Variants in ZMIZ2 observed in about 807,000 individuals in gnomAD.
The protein encoded by ZMIZ2 is zinc finger MIZ domain-containing protein 2.
Under a neutral mutation model 93.9 loss-of-function variants are expected in ZMIZ2, and 26 were observed. The observed-to-expected ratio is 0.28, with a 90% CI of 0.20 to 0.38. The LOEUF (loss-of-function observed/expected upper bound fraction) is 0.38. Among genes scored for constraint, ZMIZ2 ranks in the 10% least tolerant of loss-of-function variants. The pLI is 1.00. For missense variants in ZMIZ2, 1,023 were observed against 1,235.0 expected (o/e 0.83, Z 2.57); for synonymous variants, 485 against 516.4 (o/e 0.94, Z 0.82).
At chr7:44,758,402 T>C (rs1309184235) in intron 6 of ZMIZ2, among the ~76,000 whole-genome samples, 1 of 150,774 alleles carries the variant, frequency 6.6e-6, no homozygotes, top group East Asian at 2.0e-4. Flanking sequence ...ACCCAGAAAG[T>C]TGAGGGTGCA....
At chr7:44,759,563 AG>A in intron 7 of ZMIZ2, 103 bp downstream of exon 7, 1 of 909,824 alleles carries the variant, frequency 1.1e-6, no homozygotes, top group Non-Finnish European at 1.4e-6. Context: ...GGGTGGCTAA[AG>A]GGGCCAGCAG....
rs1042016349 is a variant in ZMIZ2 at position 44,765,457 on chromosome 7, G to A, written c.2120G>A (p.Ser707Asn). Residue 707 changes from serine to asparagine, a missense_variant, in exon 16 of 19, where the codon AGC becomes AAC. Physicochemically the swap from Ser to Asn is conservative, Grantham distance 46 (BLOSUM62 1). Around this residue, in one of 3 missense-constraint regions of ZMIZ2, gnomAD observed 319 missense variants for 358.8 expected, o/e 0.89. Transcript: ENST00000309315. The surrounding 1 kb of genome is among the most constrained non-coding windows in gnomAD (Gnocchi z 4.1). ...GCACTGAAGCGCTGCCGCACCGTGA[G>A]CCCCGCCCACGTGCTCATGCCCAGC... ...GPALKRCRTVSPAHVLMPSVM... is the reference protein window; with the variant it reads ...GPALKRCRTVNPAHVLMPSVM... The A allele has an allele frequency of 2.5e-5, 40 of 1,606,106 alleles. No individual in the cohort carries two copies. The highest frequency in any genetic ancestry group is 3.2e-5 in the Non-Finnish European group (38 of 1,179,910).
rs535741503 is a variant in ZMIZ2 at position 44,763,470 on chromosome 7, C to T, written c.1860+57C>T. The T allele has an allele frequency of 3.9e-5, 63 of 1,599,904 alleles. No homozygotes were observed. The South Asian group carries it at 6.0e-4, about 15-fold the overall frequency. Reference sequence around the variant, plus strand: ...TTGCTGCTGCTAAAATATCTTGAGTCGATACATCAGTGTCATTCTCTGGAC... The same window carrying T: ...TTGCTGCTGCTAAAATATCTTGAGTTGATACATCAGTGTCATTCTCTGGAC... On this transcript the variant is annotated intron_variant, in intron 13 of 18. Transcript: ENST00000309315. The surrounding 1 kb of genome is among the most constrained non-coding windows in gnomAD (Gnocchi z 5.6).
At chr7:44,749,501 G>A (rs1237254789) in intron 1 of ZMIZ2, among the ~76,000 whole-genome samples, 1 of 152,214 alleles carries the variant, frequency 6.6e-6, no homozygotes, top group Non-Finnish European at 1.5e-5. Context: ...TTCCGCTCCT[G>A]GGCTGAACGA....
intron 1 of ZMIZ2, among the ~76,000 whole-genome samples, chr7:44,751,715 GGA>G (rs746372357): frequency 1.1e-3 from 162 of 152,346 alleles, no homozygotes; most frequent in Admixed American, 2.9e-3. Context: ...CAGCACTTTG[GGA>G]GGCCGAGGTG....
At position 44,760,573 on chromosome 7, in the gene ZMIZ2, C is replaced by T; in HGVS notation, c.1220C>T (p.Ser407Phe). 1 of 1,614,072 alleles carries T rather than the reference C, an allele frequency of 6.2e-7. No homozygotes were observed. Among genetic ancestry groups the T allele is most frequent in the Non-Finnish European group, 8.5e-7 (1 of 1,180,008 alleles). The change falls in exon 9 of 19, where the codon TCC becomes TTC. Residue 407 changes from serine (S) to phenylalanine (F), a missense_variant. Physicochemically the swap from Ser to Phe is radical, Grantham distance 155. Around this residue, in one of 3 missense-constraint regions of ZMIZ2, gnomAD observed 656 missense variants for 777.1 expected, o/e 0.84. Transcript: ENST00000309315. The part of the protein sequence containing the change: ...FLPDLKPNLN[S>F]LHSSPSGSGP... ...CCTGATCTCAAGCCCAACCTCAACT[C>T]CTTGCACTCATCGCCCTCTGGTAAG...
At position 44,766,255 on chromosome 7, in the gene ZMIZ2, A is replaced by AC; in HGVS notation, c.2340dup (p.Ile781HisfsTer6). The AC allele has an allele frequency of 6.9e-7, 1 of 1,458,746 alleles. No individual in the cohort carries two copies. The highest frequency in any genetic ancestry group is 9.2e-7 in the Non-Finnish European group (1 of 1,087,806). The allele number at this position is 1,458,746 out of a possible 1,614,324, so 90.4% of individuals were successfully genotyped here. A position where few individuals can be genotyped will look rare whatever the true frequency, so the allele number is the denominator to read the frequency against. On this transcript the variant is annotated frameshift_variant, in exon 17 of 19. Coordinates refer to ENST00000309315, the MANE Select transcript of ZMIZ2 (RefSeq NM_031449.4). LOFTEE classifies it high-confidence loss of function. This position sits in a 1 kb window ranked among gnomAD's most constrained non-coding sequence, Gnocchi z 4.4. ...CCCTTGCTGAGTTCACCCCGGGACC[A>AC]CCCCCCATCTCCTACCAGTCTGACA...
At position 44,761,878 on chromosome 7, in the gene ZMIZ2, C is replaced by A; in HGVS notation, c.1569C>A (p.Ile523=). The part of the protein sequence containing the change: ...KHVCQPGRNT[I]QITVTACCCS... ...TGTGCCAGCCAGGCCGCAACACCATCCAGATCACCGTCACCGCCTGCTGCT... is the reference window on the plus strand; with the variant it reads ...TGTGCCAGCCAGGCCGCAACACCATACAGATCACCGTCACCGCCTGCTGCT... The change falls in exon 11 of 19, where the codon ATC becomes ATA. Residue 523 remains isoleucine (I), a synonymous_variant. Transcript: ENST00000309315. This position sits in a 1 kb window ranked among gnomAD's most constrained non-coding sequence, Gnocchi z 5.8. The A allele has an allele frequency of 6.2e-7, 1 of 1,613,822 alleles. No individual in the cohort carries two copies. The highest frequency in any genetic ancestry group is 8.5e-7 in the Non-Finnish European group (1 of 1,180,030).
intron 11 of ZMIZ2, 116 bp downstream of exon 11, chr7:44,762,021 C>T: frequency 7.7e-7 from 1 of 1,294,102 alleles, no homozygotes; most frequent in Non-Finnish European, 1.0e-6. Flanking sequence ...CCCAGCGGCG[C>T]AGTGGGAGCG....
rs759812299 is a variant in ZMIZ2 at position 44,757,917 on chromosome 7, G to A, written c.622G>A (p.Ala208Thr). 6.3e-5 allele frequency: 101 copies of A among 1,610,166 alleles called. No homozygotes were observed. The South Asian group carries it at 6.4e-4, about 10-fold the overall frequency. ...HGGPRGPSVP[A>T]GMNPTGIGGV... ...AGGTCCCCGGGGGCCTAGTGTCCCC[G>A]CTGGCATGAACCCTACTGGCATAGG... Residue 208 changes from alanine (A) to threonine (T), a missense_variant, in exon 6 of 19, where the codon GCT becomes ACT. Ala to Thr is a moderately conservative substitution (Grantham distance 58). Coordinates refer to ENST00000309315, the MANE Select transcript of ZMIZ2 (RefSeq NM_031449.4).
Position 44,760,585 on chromosome 7 carries a change from C to T in ZMIZ2, c.1232C>T (p.Ser411Leu), listed in dbSNP as rs543370398. 1.5e-5 allele frequency: 24 copies of T among 1,614,002 alleles called. 1 individual carries two copies. Among genetic ancestry groups the T allele is most frequent in the South Asian group, 7.7e-5 (7 of 91,070 alleles). The stretch of plus-strand genomic sequence containing the variant: ...CCCAACCTCAACTCCTTGCACTCAT[C>T]GCCCTCTGGTAAGTCTGTCCACTCT... Reference protein sequence around the residue: ...LKPNLNSLHSSPSGSGPCDEL... With the variant: ...LKPNLNSLHSLPSGSGPCDEL... The change falls in exon 9 of 19, where the codon TCG (serine) becomes TTG (leucine). Residue 411 changes from serine to leucine, a missense_variant. Coordinates refer to ENST00000309315, the MANE Select transcript of ZMIZ2 (RefSeq NM_031449.4).
chr7:44,758,679 A>C (rs1169139134), intron 6 of ZMIZ2, among the ~76,000 whole-genome samples: 1 of 151,350 alleles, frequency 6.6e-6, no homozygotes, highest in African/African-American at 2.4e-5. Flanking sequence ...TTGGGAGGCC[A>C]AGGCGGGTGG....
At chr7:44,762,117 T>C (rs970278531) in intron 11 of ZMIZ2, among the ~76,000 whole-genome samples, 1 of 152,242 alleles carries the variant, frequency 6.6e-6, no homozygotes, top group Non-Finnish European at 1.5e-5. Context: ...TGCTGTAGCA[T>C]GTGTGCCCCC....
At chr7:44,755,880 C>T (rs1383338459) in intron 1 of ZMIZ2, among the ~76,000 whole-genome samples, 2 of 152,052 alleles carry the variant, frequency 1.3e-5, no homozygotes, top group Admixed American at 1.3e-4. Context: ...TCGGTGTGGG[C>T]GGGAGAGTGG....
At chr7:44,759,552 A>G in intron 7 of ZMIZ2, 92 bp downstream of exon 7, 1 of 1,115,946 alleles carries the variant, frequency 9.0e-7, no homozygotes, top group Non-Finnish European at 1.1e-6. Flanking sequence ...CGAGAGCGAC[A>G]GGGTGGCTAA....
At chr7:44,754,968 ACACT>A (rs1024349593) in intron 1 of ZMIZ2, among the ~76,000 whole-genome samples, 2 of 152,240 alleles carry the variant, frequency 1.3e-5, no homozygotes, top group African/African-American at 4.8e-5. Flanking sequence ...CCCTTCAGGG[ACACT>A]CAGGGGCAGG....
rs1328679671 is a variant in ZMIZ2 at position 44,758,095 on chromosome 7, G to T, written c.800G>T (p.Arg267Ile). ...AQPLPRQGVK[R>I]TYSEVYPGQQ... ...CCACTGCCCCGACAGGGGGTCAAGAGAACCTACTCTGAGGTGAGTGTCCAG... is the reference window on the plus strand; with the variant it reads ...CCACTGCCCCGACAGGGGGTCAAGATAACCTACTCTGAGGTGAGTGTCCAG... The change falls in exon 6 of 19, where the codon AGA (arginine) becomes ATA (isoleucine). Residue 267 changes from arginine to isoleucine, a missense_variant. Transcript: ENST00000309315. 1.3e-6 allele frequency: 2 copies of T among 1,574,572 alleles called. No individual in the cohort carries two copies.
At chr7:44,758,578 C>G (rs1015829450) in intron 6 of ZMIZ2, among the ~76,000 whole-genome samples, 3 of 151,306 alleles carry the variant, frequency 2.0e-5, no homozygotes, top group African/African-American at 7.3e-5. Context: ...GAGTTCAAGA[C>G]CAGCCTGGCC....
chr7:44,765,077 G>A lies in ZMIZ2; in HGVS notation c.1997+68G>A. The A allele has an allele frequency of 6.3e-7, 1 of 1,588,570 alleles. No individual in the cohort carries two copies. Among genetic ancestry groups the A allele is most frequent in the Non-Finnish European group, 8.6e-7 (1 of 1,158,316 alleles). ...GAGGGCAGCCCCAGGACATGTCGGG[G>A]GATGTCCCTTGCCAAGTGCAGCCTT... On this transcript the variant is annotated intron_variant, in intron 15 of 18. Transcript: ENST00000309315. This position sits in a 1 kb window ranked among gnomAD's most constrained non-coding sequence, Gnocchi z 4.1.
Sources: allele counts gnomAD v4.1 joint callset (sites outside exome capture counted in the v4.1 genomes callset), GRCh38; gene constraint gnomAD v4.1.1; regional missense constraint gnomAD v4.1.1; non-coding constraint Gnocchi (gnomAD v3.1); transcripts MANE v1.5; gene names NCBI Gene and HGNC (gene_info 2026-07-23, HGNC 2026-07-21).